Variants in ADAM10 observed in about 807,000 individuals in gnomAD.
ADAM10 encodes ADAM metallopeptidase domain 10, also known as disintegrin and metalloproteinase domain-containing protein 10.
ADAM10 carries 17 observed loss-of-function variants against 90.1 expected under a neutral mutation model. The observed-to-expected ratio is 0.19, with a 90% CI of 0.13 to 0.28. The LOEUF (loss-of-function observed/expected upper bound fraction) is 0.28. Ranked by LOEUF, ADAM10 falls within the 10% of genes least tolerant of loss-of-function variation. The pLI is 1.00. For synonymous variants in ADAM10, 310 were observed against 298.6 expected (o/e 1.04, Z -0.40); for missense variants, 610 against 914.3 (o/e 0.67, Z 4.29).
intron 1 of ADAM10, among the ~76,000 whole-genome samples, chr15:58,723,384 A>G (rs1595657350): frequency 2.0e-5 from 3 of 152,156 alleles, no homozygotes; most frequent in Admixed American, 2.0e-4. Context: ...GGCAGAAAGA[A>G]AAGAAAAAAG....
chr15:58,641,252 A>C (rs1469368174), intron 7 of ADAM10, among the ~76,000 whole-genome samples: 1 of 152,254 alleles, frequency 6.6e-6, no homozygotes, highest in African/African-American at 2.4e-5. Flanking sequence ...TGGGAAGAAA[A>C]AACAAGTTTT....
intron 7 of ADAM10, among the ~76,000 whole-genome samples, 156 bp from the exon 8 acceptor site, chr15:58,641,116 C>T (rs183629890): frequency 6.6e-6 from 1 of 152,222 alleles, no homozygotes; most frequent in African/African-American, 2.4e-5. Flanking sequence ...TGCCCACATC[C>T]CTGAGCTGAT....
At chr15:58,709,390 G>A (rs1189674087) in intron 2 of ADAM10, among the ~76,000 whole-genome samples, 3 of 152,100 alleles carry the variant, frequency 2.0e-5, no homozygotes, top group Admixed American at 6.5e-5. Context: ...AGGCATATAC[G>A]TAATTTCTGA....
At chr15:58,679,082 T>C in intron 4 of ADAM10, 42 bp downstream of exon 4, 5 of 1,558,790 alleles carry the variant, frequency 3.2e-6, no homozygotes, top group Non-Finnish European at 3.5e-6. Flanking sequence ...AACTATCATA[T>C]GCCTTTTGAA....
At chr15:58,729,517 T>C (rs1332156210) in intron 1 of ADAM10, among the ~76,000 whole-genome samples, 1 of 152,206 alleles carries the variant, frequency 6.6e-6, no homozygotes, top group African/African-American at 2.4e-5. Flanking sequence ...CAGAGTGATC[T>C]GTATGCACAT....
chr15:58,684,561 G>T (rs1255831504), intron 2 of ADAM10, among the ~76,000 whole-genome samples: 4 of 152,240 alleles, frequency 2.6e-5, no homozygotes, highest in Admixed American at 2.6e-4. Flanking sequence ...AACACACTGA[G>T]TTGATTGGAG....
intron 1 of ADAM10, among the ~76,000 whole-genome samples, chr15:58,720,681 A>G (rs2140821215): frequency 6.6e-6 from 1 of 152,240 alleles, no homozygotes; most frequent in South Asian, 2.1e-4. Flanking sequence ...GATTACAGGC[A>G]TGAGCCACCA....
chr15:58,686,029 A>T (rs1670616178), intron 2 of ADAM10, among the ~76,000 whole-genome samples: 2 of 152,196 alleles, frequency 1.3e-5, no homozygotes, highest in African/African-American at 2.4e-5. Context: ...GACAATAGAC[A>T]ACAAGCAGTG....
At chr15:58,611,733 C>T in intron 12 of ADAM10, 75 bp downstream of exon 12, 4 of 1,395,698 alleles carry the variant, frequency 2.9e-6, no homozygotes, top group Non-Finnish European at 4.0e-6. Flanking sequence ...AACTATGTAG[C>T]TTTAAGCATC....
intron 3 of ADAM10, among the ~76,000 whole-genome samples, chr15:58,681,401 G>A (rs1296370745): frequency 3.9e-5 from 6 of 152,014 alleles, no homozygotes; most frequent in Non-Finnish European, 7.4e-5. Context: ...TGGCACAATC[G>A]AAAAATGAGA....
At chr15:58,636,829 C>G (rs1896268862) in intron 8 of ADAM10, among the ~76,000 whole-genome samples, 1 of 152,100 alleles carries the variant, frequency 6.6e-6, no homozygotes, top group Non-Finnish European at 1.5e-5. Flanking sequence ...TTAATAGTAG[C>G]ATGCTGATCA....
chr15:58,616,416 A>C (rs1895616749), intron 11 of ADAM10, among the ~76,000 whole-genome samples: 1 of 152,262 alleles, frequency 6.6e-6, no homozygotes, highest in Non-Finnish European at 1.5e-5. Flanking sequence ...TCAAAAACAG[A>C]GATCATATCA....
At chr15:58,599,547 G>C in intron 15 of ADAM10, 51 bp downstream of exon 15, 1 of 1,593,366 alleles carries the variant, frequency 6.3e-7, no homozygotes, top group Non-Finnish European at 8.6e-7. Flanking sequence ...AATTCTACCT[G>C]CTAAACAATT....
At chr15:58,636,439 T>C (rs372642774) in intron 8 of ADAM10, among the ~76,000 whole-genome samples, 4 of 152,338 alleles carry the variant, frequency 2.6e-5, no homozygotes, top group South Asian at 2.1e-4. Flanking sequence ...GAAAACTCAG[T>C]AATGAGGTAT....
chr15:58,636,852 G>A (rs1162485440), intron 8 of ADAM10, among the ~76,000 whole-genome samples: 1 of 152,176 alleles, frequency 6.6e-6, no homozygotes, highest in Non-Finnish European at 1.5e-5. Flanking sequence ...CAATATTAAT[G>A]TAAGCAATAA....
chr15:58,692,734 G>A lies in ADAM10; in HGVS notation c.207-10420C>T, dbSNP rs567742155. On this transcript the variant is annotated intron_variant, in intron 2 of 15. Coordinates refer to ENST00000260408, the MANE Select transcript of ADAM10 (RefSeq NM_001110.4). ...GGAACTCCCAGCAGAAGATACCCAG[G>A]AATACTGTTCTTCGTCATTGTGCTT... The A allele has an allele frequency of 1.9e-5, 11 of 579,892 alleles. 1 individual carries two copies. The highest frequency in any genetic ancestry group is 1.4e-4 in the South Asian group (10 of 71,806). The allele number at this position is 579,892 out of a possible 1,614,324, so 35.9% of individuals were successfully genotyped here. A position where few individuals can be genotyped will look rare whatever the true frequency, so the allele number is the denominator to read the frequency against.
chr15:58,627,881 A>G lies in ADAM10; in HGVS notation c.1179T>C (p.His393=). The part of the protein sequence containing the change: ...HEVGHNFGSP[H]DSGTECTPGE... ...CTGGTGTGCACTCTGTTCCAGAATC[A>G]TGCTGTCAAAAAGAATATAAAGTTA... Residue 393 remains histidine, a splice_region_variant and synonymous_variant, in exon 10 of 16, where the codon CAT becomes CAC. Transcript: ENST00000260408. 1 of 1,613,252 alleles carries G rather than the reference A, an allele frequency of 6.2e-7. No homozygotes were observed.
At chr15:58,725,635 C>A (rs186984462) in intron 1 of ADAM10, among the ~76,000 whole-genome samples, 2 of 151,772 alleles carry the variant, frequency 1.3e-5, no homozygotes, top group Non-Finnish European at 2.9e-5. Context: ...AAAAAAAATT[C>A]TTAAAATCAT....
chr15:58,706,662 G>C (rs1296042925), intron 2 of ADAM10, among the ~76,000 whole-genome samples: 6 of 152,096 alleles, frequency 3.9e-5, no homozygotes, highest in African/African-American at 1.2e-4. Context: ...GAGGAGGAAG[G>C]GGGAAAGGGT....
Sources: allele counts gnomAD v4.1 joint callset (sites outside exome capture counted in the v4.1 genomes callset), GRCh38; gene constraint gnomAD v4.1.1; transcripts MANE v1.5; gene names NCBI Gene and HGNC (gene_info 2026-07-23, HGNC 2026-07-21).